FSHR: variants seen among roughly 807,000 people sequenced by gnomAD.
FSHR encodes follicle stimulating hormone receptor.
A neutral mutation model predicts 52.1 loss-of-function variants in FSHR; 46 were observed. The observed-to-expected ratio is 0.88, with a 90% CI of 0.70 to 1.13. FSHR has a LOEUF of 1.13. Among genes scored for constraint, FSHR ranks in the 50% most tolerant of loss-of-function variants. The pLI, the probability that FSHR is intolerant of heterozygous loss-of-function variation, is 0.00. For synonymous variants in FSHR, 399 were observed against 309.6 expected (o/e 1.29, Z -3.03); for missense variants, 964 against 834.6 (o/e 1.16, Z -1.91).
intron 2 of FSHR, among the ~76,000 whole-genome samples, chr2:49,021,899 A>AGAGAGAGAGAGAGAGG (rs1667737076): frequency 1.0e-4 from 8 of 77,128 alleles, no homozygotes; most frequent in Admixed American, 9.5e-4. Flanking sequence ...AGAGAGAGAG[A>AGAGAGAGAGAGAGAGG]GAGAGAGAGA....
intron 1 of FSHR, among the ~76,000 whole-genome samples, chr2:49,151,726 G>A (rs1049300230): frequency 1.3e-5 from 2 of 152,018 alleles, no homozygotes. Flanking sequence ...AAGTTAATAC[G>A]CAAACTTGGA....
Position 48,971,087 on chromosome 2 carries a change from A to G in FSHR, c.669-2204T>C, listed in dbSNP as rs115329519. ...GTGACTTCCTGCTTAAGACCCTTTA[A>G]TGACTCCCCATTGCTCTTAGGATGA... On this transcript the variant is annotated intron_variant, in intron 8 of 9. Transcript: ENST00000406846. 3.1e-3 allele frequency among the ~76,000 whole-genome samples: 474 copies of G among 152,294 alleles called. 6 individuals are homozygous for G. Among genetic ancestry groups the G allele is most frequent in the African/African-American group, 0.011 (459 of 41,558 alleles).
intron 6 of FSHR, among the ~76,000 whole-genome samples, chr2:48,983,924 T>A (rs897825058): frequency 4.6e-5 from 7 of 152,102 alleles, no homozygotes; most frequent in Non-Finnish European, 8.8e-5. Flanking sequence ...CAAGGACACC[T>A]TGGGCTACAG....
At chr2:49,101,436 A>G (rs1334623119) in intron 1 of FSHR, among the ~76,000 whole-genome samples, 1 of 152,184 alleles carries the variant, frequency 6.6e-6, no homozygotes, top group Non-Finnish European at 1.5e-5. Flanking sequence ...TTGTCCACTG[A>G]GACTAGAGAA....
chr2:49,047,221 C>T (rs1029709870), intron 2 of FSHR, among the ~76,000 whole-genome samples: 5 of 152,160 alleles, frequency 3.3e-5, no homozygotes, highest in Non-Finnish European at 7.3e-5. Flanking sequence ...AAAGTTACAT[C>T]TCAACTGTCT....
chr2:49,127,395 T>G (rs1672043471), intron 1 of FSHR, among the ~76,000 whole-genome samples: 1 of 150,450 alleles, frequency 6.6e-6, no homozygotes, highest in Non-Finnish European at 1.5e-5. Flanking sequence ...TATCTGAGCA[T>G]ATAAAAGAGT....
At chr2:49,147,851 G>C (rs1672923266) in intron 1 of FSHR, among the ~76,000 whole-genome samples, 1 of 151,836 alleles carries the variant, frequency 6.6e-6, no homozygotes, top group Non-Finnish European at 1.5e-5. Flanking sequence ...TATGTCAAGA[G>C]AAAGGATTAT....
intron 2 of FSHR, among the ~76,000 whole-genome samples, chr2:49,047,070 T>C (rs748104296): frequency 1.3e-5 from 2 of 152,194 alleles, no homozygotes; most frequent in Non-Finnish European, 2.9e-5. Flanking sequence ...TAACCAGTGA[T>C]CTCAGATTTG....
intron 6 of FSHR, among the ~76,000 whole-genome samples, chr2:48,983,682 C>T (rs1430842253): frequency 1.3e-5 from 2 of 152,212 alleles, no homozygotes; most frequent in African/African-American, 4.8e-5. Flanking sequence ...GTCAGACAAC[C>T]TGAACATCTC....
intron 4 of FSHR, among the ~76,000 whole-genome samples, chr2:49,002,451 G>C (rs1248018193): frequency 6.6e-6 from 1 of 152,072 alleles, no homozygotes; most frequent in Admixed American, 6.6e-5. Flanking sequence ...ACTTATAAAA[G>C]AGAGAGGTTT....
intron 2 of FSHR, among the ~76,000 whole-genome samples, chr2:49,023,096 G>C (rs1204420031): frequency 6.6e-6 from 1 of 152,132 alleles, no homozygotes; most frequent in Non-Finnish European, 1.5e-5. Context: ...GAGTGTGATA[G>C]AGGAGCTCCA....
At chr2:49,092,553 A>T (rs1201253546) in intron 1 of FSHR, among the ~76,000 whole-genome samples, 1 of 152,096 alleles carries the variant, frequency 6.6e-6, no homozygotes, top group African/African-American at 2.4e-5. Flanking sequence ...TAGATATTGG[A>T]TTATTTTCAA....
intron 2 of FSHR, among the ~76,000 whole-genome samples, chr2:49,035,742 G>A (rs1358573254): frequency 6.6e-6 from 1 of 152,200 alleles, no homozygotes; most frequent in Non-Finnish European, 1.5e-5. Flanking sequence ...CCACTCATGG[G>A]TGCTGGTGGT....
chr2:49,060,516 A>T (rs1247501922), intron 2 of FSHR, among the ~76,000 whole-genome samples: 1 of 152,120 alleles, frequency 6.6e-6, no homozygotes, highest in African/African-American at 2.4e-5. Flanking sequence ...GACACTCTGC[A>T]TTCCAGGGAA....
chr2:48,981,171 C>G (rs1675230097), intron 8 of FSHR, among the ~76,000 whole-genome samples: 1 of 152,086 alleles, frequency 6.6e-6, no homozygotes, highest in Non-Finnish European at 1.5e-5. Flanking sequence ...GACTATATGC[C>G]CAACACTCTC....
At position 48,962,442 on chromosome 2, in the gene FSHR, T is replaced by C. The variant is rs1005172725; in HGVS notation, c.*291A>G. On this transcript the variant is annotated 3_prime_UTR_variant, in exon 10 of 10. Coordinates refer to ENST00000406846, the MANE Select transcript of FSHR (RefSeq NM_000145.4). ...GTCCTGCTTATTTAACAGGGATCACTTGAGATATCTGAACAAAAGCACTTT... is the reference window on the plus strand; with the variant it reads ...GTCCTGCTTATTTAACAGGGATCACCTGAGATATCTGAACAAAAGCACTTT... 8 of 381,326 alleles carry C rather than the reference T, an allele frequency of 2.1e-5. No homozygotes were observed. The Admixed American group carries it at 2.4e-4, about 12-fold the overall frequency. 23.6% of individuals were successfully genotyped at this position (381,326 alleles called of 1,614,324 possible).
chr2:49,043,134 G>T (rs1459074700), intron 2 of FSHR, among the ~76,000 whole-genome samples: 1 of 152,082 alleles, frequency 6.6e-6, no homozygotes, highest in African/African-American at 2.4e-5. Flanking sequence ...TCCCTTTATG[G>T]CTTCATTCCT....
Position 49,009,284 on chromosome 2 carries a change from A to C in FSHR, c.374+8205T>G, listed in dbSNP as rs1464962082. ...CCCAGCACCATTTATTAAATAGGGA[A>C]TCCTTTCCCCATTGCTTGTTTTTCT... On this transcript the variant is annotated intron_variant, in intron 4 of 9. Coordinates refer to ENST00000406846, the MANE Select transcript of FSHR (RefSeq NM_000145.4). 2.0e-5 allele frequency among the ~76,000 whole-genome samples: 3 copies of C among 150,922 alleles called. No individual in the cohort carries two copies. In the East Asian group the frequency reaches 5.8e-4, roughly 29 times the overall value.
rs62162145 is a variant in FSHR at position 49,134,932 on chromosome 2, G to T, written c.152+19334C>A. 8.9e-3 allele frequency among the ~76,000 whole-genome samples: 1,355 copies of T among 152,254 alleles called. 11 individuals are homozygous for T. Among genetic ancestry groups the T allele is most frequent in the Non-Finnish European group, 0.014 (982 of 68,010 alleles). ...GACTGTTGTGGGGTGGGAGGATGGG[G>T]GAGGGATAGCATTGGGAGATATACC... is the stretch of plus-strand genomic sequence containing the variant. On this transcript the variant is annotated intron_variant, in intron 1 of 9. Coordinates refer to ENST00000406846, the MANE Select transcript of FSHR (RefSeq NM_000145.4).
Sources: allele counts gnomAD v4.1 joint callset (sites outside exome capture counted in the v4.1 genomes callset), GRCh38; gene constraint gnomAD v4.1.1; transcripts MANE v1.5; gene names NCBI Gene and HGNC (gene_info 2026-07-23, HGNC 2026-07-21).